The following SPAG16 variants were observed in gnomAD, a reference collection of about 807,000 sequenced individuals.
SPAG16 encodes the protein sperm associated antigen 16, also known as sperm-associated antigen 16 protein.
In SPAG16, 86 loss-of-function variants were observed where a neutral mutation model predicts 80.4. The ratio of observed to expected loss-of-function variants is 1.07; its 90% CI spans 0.90 to 1.28. The LOEUF is 1.28. Among genes scored for constraint, SPAG16 ranks in the 50% most tolerant of loss-of-function variants. The pLI is 0.00. For synonymous variants in SPAG16, 294 were observed against 265.9 expected, an observed-to-expected ratio of 1.11 and a Z score of -1.03; for missense variants, 870 against 765.3, an observed-to-expected ratio of 1.14 and a Z score of -1.61.
chr2:213,350,436 AAAG>A, intron 6 of SPAG16, 89 bp from the exon 7 acceptor site: 1 of 631,308 alleles, frequency 1.6e-6, no homozygotes, highest in Non-Finnish European at 2.6e-6. Context: ...TCACAGCAAA[AAAG>A]AAAAAGAAAA....
intron 10 of SPAG16, among the ~76,000 whole-genome samples, chr2:213,493,693 A>G (rs2074360677): frequency 6.6e-6 from 1 of 152,184 alleles, no homozygotes; most frequent in Non-Finnish European, 1.5e-5. Flanking sequence ...CTCCTGCCTC[A>G]GCCTCCTGAG....
intron 6 of SPAG16, among the ~76,000 whole-genome samples, chr2:213,341,091 C>G (rs1457774675): frequency 1.3e-5 from 2 of 151,954 alleles, no homozygotes; most frequent in African/African-American, 2.4e-5. Context: ...TTTCAGGCAC[C>G]CTGGTAAAGA....
At chr2:213,681,482 C>T (rs2125260920) in intron 10 of SPAG16, among the ~76,000 whole-genome samples, 1 of 152,228 alleles carries the variant, frequency 6.6e-6, no homozygotes, top group South Asian at 2.1e-4. Context: ...TCTTTCTATG[C>T]TTTCCAGTTC....
chr2:213,490,966 T>A (rs16850420), intron 10 of SPAG16, among the ~76,000 whole-genome samples: 9,094 of 152,150 alleles, frequency 0.06, 896 homozygotes, highest in African/African-American at 0.21. Context: ...TTTTTTTTCA[T>A]TTGCAAAGCT....
intron 10 of SPAG16, among the ~76,000 whole-genome samples, chr2:213,575,188 A>G (rs1373721900): frequency 1.3e-5 from 2 of 152,182 alleles, no homozygotes. Flanking sequence ...TGAATATCTG[A>G]TAAGAGTATT....
intron 10 of SPAG16, among the ~76,000 whole-genome samples, chr2:213,731,160 T>G (rs571125164): frequency 6.8e-5 from 10 of 146,428 alleles, no homozygotes; most frequent in Non-Finnish European, 1.2e-4. Flanking sequence ...TGAGTTTTTT[T>G]TTTTTTTTTT....
intron 12 of SPAG16, among the ~76,000 whole-genome samples, chr2:213,980,485 A>T (rs1488667091): frequency 7.5e-6 from 1 of 132,612 alleles, no homozygotes. Flanking sequence ...GTATATATAT[A>T]ATATATATAG....
chr2:213,388,532 A>G (rs1472237583), intron 9 of SPAG16, among the ~76,000 whole-genome samples: 2 of 152,222 alleles, frequency 1.3e-5, no homozygotes, highest in Non-Finnish European at 1.5e-5. Flanking sequence ...CAGTAAGGTT[A>G]CTGATCCTTG....
intron 10 of SPAG16, among the ~76,000 whole-genome samples, chr2:213,559,793 C>T (rs942957075): frequency 6.6e-6 from 1 of 151,930 alleles, no homozygotes; most frequent in Non-Finnish European, 1.5e-5. Context: ...GTTATTATTT[C>T]ATAGAACAAA....
intron 10 of SPAG16, among the ~76,000 whole-genome samples, chr2:213,832,392 A>T (rs2073722014): frequency 6.6e-6 from 1 of 152,104 alleles, no homozygotes; most frequent in Non-Finnish European, 1.5e-5. Context: ...AAGGCTTTGG[A>T]ATCAATGTCT....
intron 11 of SPAG16, among the ~76,000 whole-genome samples, chr2:213,885,236 A>G (rs1366933356): frequency 6.6e-6 from 1 of 152,108 alleles, no homozygotes; most frequent in African/African-American, 2.4e-5. Flanking sequence ...TTAGCAAAGT[A>G]TTTTTGGTGT....
intron 15 of SPAG16, among the ~76,000 whole-genome samples, chr2:214,368,483 A>G (rs1699619790): frequency 6.6e-6 from 1 of 152,026 alleles, no homozygotes; most frequent in Non-Finnish European, 1.5e-5. Flanking sequence ...GGAGAAATTT[A>G]TTTTTGTTCT....
intron 15 of SPAG16, among the ~76,000 whole-genome samples, chr2:214,256,846 G>C (rs536171484): frequency 6.6e-6 from 1 of 151,906 alleles, no homozygotes; most frequent in East Asian, 1.9e-4. Context: ...AAAGTCAAAC[G>C]GTTAGAAGTC....
chr2:213,356,121 C>T (rs370744838), intron 7 of SPAG16, among the ~76,000 whole-genome samples: 12 of 151,754 alleles, frequency 7.9e-5, no homozygotes, highest in Non-Finnish European at 1.2e-4. Flanking sequence ...GGTGGATAAG[C>T]TTTTTGATGT....
At position 213,335,536 on chromosome 2, in the gene SPAG16, A is replaced by G. The variant is rs2064312305; in HGVS notation, c.537-4627A>G. 2.0e-5 allele frequency among the ~76,000 whole-genome samples: 3 copies of G among 152,052 alleles called. No individual in the cohort carries two copies. In the South Asian group the frequency reaches 6.2e-4, roughly 31 times the overall value. ...AAAAAGCACTTCATTCAATATCAGT[A>G]TCTATATTATTTCTCAATTTATGTT... On this transcript the variant is annotated intron_variant, in intron 5 of 15. Coordinates refer to ENST00000331683, the MANE Select transcript of SPAG16 (RefSeq NM_024532.5).
chr2:213,569,813 C>T (rs2059858954), intron 10 of SPAG16, among the ~76,000 whole-genome samples: 1 of 133,016 alleles, frequency 7.5e-6, no homozygotes, highest in East Asian at 2.0e-4. Flanking sequence ...AGGAATGGTA[C>T]CAGTTCCTCC....
chr2:214,016,906 T>C (rs2047618441), intron 13 of SPAG16, among the ~76,000 whole-genome samples: 1 of 152,176 alleles, frequency 6.6e-6, no homozygotes, highest in Non-Finnish European at 1.5e-5. Flanking sequence ...ATTTCCCATA[T>C]ACAAAACATG....
intron 10 of SPAG16, among the ~76,000 whole-genome samples, chr2:213,632,875 T>G (rs756420528): frequency 2.0e-5 from 3 of 152,174 alleles, no homozygotes; most frequent in Non-Finnish European, 4.4e-5. Flanking sequence ...AGTTTGCTAT[T>G]ACTTTGTTCA....
At chr2:213,643,616 T>A (rs572194332) in intron 10 of SPAG16, among the ~76,000 whole-genome samples, 19 of 150,256 alleles carry the variant, frequency 1.3e-4, no homozygotes, top group Admixed American at 2.6e-4. Context: ...TCTCTTTTTC[T>A]ACTTCCTCTT....
Sources: allele counts gnomAD v4.1 joint callset (sites outside exome capture counted in the v4.1 genomes callset), GRCh38; gene constraint gnomAD v4.1.1; transcripts MANE v1.5; gene names NCBI Gene and HGNC (gene_info 2026-07-23, HGNC 2026-07-21).